SLC44A5: variants seen among roughly 807,000 people sequenced by gnomAD.
SLC44A5 encodes choline transporter-like protein 5.
A neutral mutation model predicts 101.8 loss-of-function variants in SLC44A5; 57 were observed. The observed-to-expected ratio is 0.56, with a 90% confidence interval of 0.45 to 0.70. The LOEUF is 0.70. Among genes scored for constraint, SLC44A5 ranks in the 30% least tolerant of loss-of-function variants. SLC44A5 has a pLI of 0.00. For missense variants in SLC44A5, 737 were observed against 853.1 expected, an observed-to-expected ratio of 0.86 and a Z score of 1.70; for synonymous variants, 281 against 290.9, an observed-to-expected ratio of 0.97 and a Z score of 0.35.
At chr1:75,655,069 T>C in the SLC44A5 span, among the ~76,000 whole-genome samples, 1 of 152,168 alleles carries the variant, frequency 6.6e-6, no homozygotes, top group Admixed American at 6.6e-5. Context: ...AAGATTAAAC[T>C]AAATCTTAAC....
intron 2 of SLC44A5, among the ~76,000 whole-genome samples, chr1:75,443,281 GTA>G (rs1665311744): frequency 6.6e-6 from 1 of 151,748 alleles, no homozygotes; most frequent in Admixed American, 6.6e-5. Flanking sequence ...ATAGAAAAAA[GTA>G]AATAAATTTA....
In SLC44A5 at chr1:75,251,287, T is replaced by C; in HGVS notation, c.268A>G (p.Thr90Ala). 1 of 1,611,908 alleles carries C rather than the reference T, an allele frequency of 6.2e-7. No homozygotes were observed. The highest frequency in any genetic ancestry group is 1.7e-5 in the Admixed American group (1 of 59,738). Residue 90 changes from threonine (T) to alanine (A), a missense_variant, in exon 7 of 24, where the codon ACC becomes GCC. This residue lies in a region of SLC44A5 where 665 missense variants were observed against 764.4 expected (regional missense o/e 0.87). Transcript: ENST00000370859. ...AACAGGTTAAAGTAAAACAAAATGG[T>C]CTTGTTCCTGTTAAGAAAGAAAACA... ...GQKGTPNENK[T>A]ILFYFNLLRC...
chr1:75,527,796 A>G (rs1670502841), intron 2 of SLC44A5, among the ~76,000 whole-genome samples: 1 of 152,114 alleles, frequency 6.6e-6, no homozygotes, highest in African/African-American at 2.4e-5. Flanking sequence ...TACCCTTGCT[A>G]TCCATTAGAC....
At chr1:75,516,037 G>C (rs1407256150) in intron 2 of SLC44A5, among the ~76,000 whole-genome samples, 1 of 152,066 alleles carries the variant, frequency 6.6e-6, no homozygotes, top group South Asian at 2.1e-4. Flanking sequence ...TTAAATAATT[G>C]AAAGGGGCTT....
At chr1:75,674,472 C>T in the SLC44A5 span, among the ~76,000 whole-genome samples, 3 of 152,112 alleles carry the variant, frequency 2.0e-5, no homozygotes, top group East Asian at 3.9e-4. Flanking sequence ...CTATGCCTCC[C>T]GTGTTCAAGC....
At chr1:75,701,428 C>T in the SLC44A5 span, among the ~76,000 whole-genome samples, 1 of 152,150 alleles carries the variant, frequency 6.6e-6, no homozygotes, top group Non-Finnish European at 1.5e-5. Context: ...TCAATAGATG[C>T]AGAAAAGGCC....
chr1:75,580,585 A>G (rs894071098), intron 1 of SLC44A5, among the ~76,000 whole-genome samples: 3 of 152,210 alleles, frequency 2.0e-5, no homozygotes, highest in Admixed American at 6.5e-5. Context: ...CACACCTGTA[A>G]TCCCAGCACT....
chr1:75,272,495 G>GT (rs1333521192), intron 6 of SLC44A5, among the ~76,000 whole-genome samples: 8 of 151,528 alleles, frequency 5.3e-5, no homozygotes, highest in South Asian at 2.1e-4. Context: ...TTTTTCCAAT[G>GT]TTTTTTTCTA....
chr1:75,660,385 G>A, the SLC44A5 span, among the ~76,000 whole-genome samples: 12 of 152,034 alleles, frequency 7.9e-5, no homozygotes, highest in African/African-American at 1.4e-4. Context: ...AATACTGACC[G>A]GGAAAAAATT....
At chr1:75,657,416 G>A in the SLC44A5 span, among the ~76,000 whole-genome samples, 3 of 151,848 alleles carry the variant, frequency 2.0e-5, no homozygotes, top group Admixed American at 2.0e-4. Flanking sequence ...AGGTATAGTG[G>A]CACATGTCTG....
At chr1:75,590,703 G>T (rs184317046) in intron 1 of SLC44A5, among the ~76,000 whole-genome samples, 1 of 152,186 alleles carries the variant, frequency 6.6e-6, no homozygotes. Context: ...TGGCTATGGG[G>T]TGAGGTTCCT....
chr1:75,403,006 G>A (rs372247185), intron 2 of SLC44A5, among the ~76,000 whole-genome samples: 1 of 152,258 alleles, frequency 6.6e-6, no homozygotes, highest in Non-Finnish European at 1.5e-5. Context: ...TGAGGTTGAT[G>A]GGGGGAGGGA....
intron 3 of SLC44A5, among the ~76,000 whole-genome samples, chr1:75,386,904 C>T (rs374708087): frequency 1.6e-4 from 24 of 152,016 alleles, no homozygotes; most frequent in East Asian, 5.8e-4. Flanking sequence ...GAAATAACGC[C>T]GCATATCTAC....
chr1:75,477,585 T>A (rs1487732400), intron 2 of SLC44A5, among the ~76,000 whole-genome samples: 2 of 151,870 alleles, frequency 1.3e-5, no homozygotes, highest in South Asian at 2.1e-4. Context: ...AAACCAAGGC[T>A]CGAGAACTAC....
At chr1:75,527,872 T>C (rs1028853654) in intron 2 of SLC44A5, among the ~76,000 whole-genome samples, 1 of 152,236 alleles carries the variant, frequency 6.6e-6, no homozygotes, top group Non-Finnish European at 1.5e-5. Context: ...TAGTCTTACA[T>C]GAAATGTTTT....
chr1:75,213,657 A>G (rs1158795530), intron 22 of SLC44A5, 48 bp downstream of exon 22: 1 of 1,275,374 alleles, frequency 7.8e-7, no homozygotes, highest in African/African-American at 1.5e-5. Context: ...TCCAGTCTAT[A>G]GTATTTTTAT....
the SLC44A5 span, among the ~76,000 whole-genome samples, chr1:75,688,415 G>A: frequency 6.6e-6 from 1 of 152,154 alleles, no homozygotes; most frequent in Non-Finnish European, 1.5e-5. Context: ...CAGCAAGATA[G>A]GCCTCTTAGA....
chr1:75,584,737 G>A (rs1323827059), intron 1 of SLC44A5, among the ~76,000 whole-genome samples: 1 of 151,928 alleles, frequency 6.6e-6, no homozygotes, highest in Non-Finnish European at 1.5e-5. Flanking sequence ...AGCCTCCCAA[G>A]TAGCATGTGC....
intron 12 of SLC44A5, 134 bp from the exon 13 acceptor site, chr1:75,227,991 C>G (rs1647259940): frequency 1.6e-6 from 1 of 610,696 alleles, no homozygotes; most frequent in South Asian, 2.6e-5. Flanking sequence ...CATATTTACA[C>G]AGCAAATATT....
Sources: allele counts gnomAD v4.1 joint callset (sites outside exome capture counted in the v4.1 genomes callset), GRCh38; gene constraint gnomAD v4.1.1; regional missense constraint gnomAD v4.1.1; transcripts MANE v1.5; gene names NCBI Gene and HGNC (gene_info 2026-07-23, HGNC 2026-07-21).